The following UBN2 variants were observed in gnomAD, a reference collection of about 807,000 sequenced individuals.
UBN2 encodes the protein ubinuclein 2.
Under a neutral mutation model 120.2 loss-of-function variants are expected in UBN2, and 35 were observed. That is an observed-to-expected ratio of 0.29 (90% CI 0.22 to 0.39). The LOEUF (loss-of-function observed/expected upper bound fraction) is 0.39, where lower values mean the gene tolerates loss of function less well. Ranked by LOEUF, UBN2 falls within the 10% of genes least tolerant of loss-of-function variation. UBN2 has a pLI of 1.00. For synonymous variants in UBN2, 661 were observed against 648.7 expected, an observed-to-expected ratio of 1.02 and a Z score of -0.29; for missense variants, 1,693 against 1,663.2, an observed-to-expected ratio of 1.02 and a Z score of -0.31.
chr7:139,304,519 G>A lies in UBN2; in HGVS notation c.*6683G>A, dbSNP rs1448026900. The A allele has an allele frequency of 6.6e-6, 1 of 152,124 alleles. No individual in the cohort carries two copies. The highest frequency in any genetic ancestry group is 2.4e-5 in the African/African-American group (1 of 41,418). The allele number at this position is 152,124 out of a possible 1,614,324, so 9.4% of individuals were successfully genotyped here. On this transcript the variant is annotated 3_prime_UTR_variant, in exon 18 of 18. Coordinates refer to ENST00000473989, the MANE Select transcript of UBN2 (RefSeq NM_173569.4). Reference sequence around the variant, plus strand: ...TAGTTGGGGCTAAATGCTGAGCAACGATTGTTGGAGTGTGTGTGTAAATTT... The same window carrying A: ...TAGTTGGGGCTAAATGCTGAGCAACAATTGTTGGAGTGTGTGTGTAAATTT...
At chr7:139,240,455 T>TATATATATATA (rs367875599) in intron 2 of UBN2, among the ~76,000 whole-genome samples, 116 of 63,076 alleles carry the variant, frequency 1.8e-3, no homozygotes, top group Middle Eastern at 6.4e-3. Context: ...TATATATATA[T>TATATATATATA]TTTTTTTTTT....
intron 8 of UBN2, among the ~76,000 whole-genome samples, chr7:139,270,808 G>A (rs1309678302): frequency 3.3e-5 from 5 of 151,812 alleles, no homozygotes; most frequent in Admixed American, 2.6e-4. Flanking sequence ...GCAGTGGCAC[G>A]ATCTCGGCTC....
chr7:139,309,699 C>T (rs1227189442), downstream of UBN2, among the ~76,000 whole-genome samples: 2 of 152,228 alleles, frequency 1.3e-5, no homozygotes, highest in East Asian at 3.9e-4. Flanking sequence ...GGAGAAACCC[C>T]GTCTTCTACT....
At chr7:139,289,635 C>T (rs1046077664) in intron 15 of UBN2, among the ~76,000 whole-genome samples, 1 of 151,956 alleles carries the variant, frequency 6.6e-6, no homozygotes. Context: ...TGGTCTTGAA[C>T]CCCTGGCCTC....
At chr7:139,236,838 T>C (rs1796175502) in intron 1 of UBN2, among the ~76,000 whole-genome samples, 167 bp from the exon 2 acceptor site, 1 of 152,088 alleles carries the variant, frequency 6.6e-6, no homozygotes, top group South Asian at 2.1e-4. Context: ...AATAATATAA[T>C]TAATTATATA....
intron 2 of UBN2, among the ~76,000 whole-genome samples, chr7:139,247,430 T>G (rs891138707): frequency 6.6e-6 from 1 of 152,130 alleles, no homozygotes; most frequent in Non-Finnish European, 1.5e-5. Context: ...TGTTTTCAAC[T>G]AAAAAAATGA....
chr7:139,235,800 A>G (rs1447103196), intron 1 of UBN2, among the ~76,000 whole-genome samples: 1 of 152,234 alleles, frequency 6.6e-6, no homozygotes, highest in Non-Finnish European at 1.5e-5. Flanking sequence ...AACTCCTTTA[A>G]AGAAGTATCC....
chr7:139,309,248 G>GAT (rs1385846730), downstream of UBN2, among the ~76,000 whole-genome samples: 2 of 152,200 alleles, frequency 1.3e-5, no homozygotes, highest in Non-Finnish European at 2.9e-5. Context: ...AAAATAGAGT[G>GAT]ATGGTATGAG....
the UBN2 span, among the ~76,000 whole-genome samples, chr7:139,318,110 C>G: frequency 1.3e-5 from 2 of 152,168 alleles, no homozygotes; most frequent in African/African-American, 4.8e-5. Context: ...GAGTCCTGAT[C>G]TGTCTTGTTC....
chr7:139,250,051 T>C (rs2130956154), intron 2 of UBN2, among the ~76,000 whole-genome samples: 1 of 152,044 alleles, frequency 6.6e-6, no homozygotes, highest in Admixed American at 6.5e-5. Context: ...CCAAAAAAAA[T>C]ATCATGGGAC....
chr7:139,278,033 A>C (rs1002227872), intron 12 of UBN2, among the ~76,000 whole-genome samples: 6 of 152,178 alleles, frequency 3.9e-5, no homozygotes, highest in Non-Finnish European at 7.3e-5. Context: ...ACCACAGGCA[A>C]CTGAAACCGT....
Position 139,293,918 on chromosome 7 carries a change from G to A in UBN2, c.3931G>A (p.Ala1311Thr). Residue 1311 changes from alanine to threonine, a missense_variant, in exon 17 of 18, where the codon GCT (alanine) becomes ACT (threonine). Ala to Thr is a moderately conservative substitution (Grantham distance 58). Around this residue, in one of 5 missense-constraint regions of UBN2, gnomAD observed 837 missense variants for 817.6 expected, o/e 1.02. Coordinates refer to ENST00000473989, the MANE Select transcript of UBN2 (RefSeq NM_173569.4). ...NLLKGLQPGG[A>T]QHAATLSHSP... is the part of the protein sequence containing the mutation. Reference sequence around the variant, plus strand: ...ACTAAAGGGTTTACAGCCAGGAGGAGCTCAGCATGCAGCAACGCTTTCCCA... The same window carrying A: ...ACTAAAGGGTTTACAGCCAGGAGGAACTCAGCATGCAGCAACGCTTTCCCA... The A allele has an allele frequency of 6.2e-7, 1 of 1,614,110 alleles. No individual in the cohort carries two copies. Among genetic ancestry groups the A allele is most frequent in the Non-Finnish European group, 8.5e-7 (1 of 1,179,988 alleles).
Position 139,300,966 on chromosome 7 carries a change from C to T in UBN2, c.*3130C>T, listed in dbSNP as rs963104265. On this transcript the variant is annotated 3_prime_UTR_variant, in exon 18 of 18. Coordinates refer to ENST00000473989, the MANE Select transcript of UBN2 (RefSeq NM_173569.4). ...TTTGAGGTCAGAGGGTAAATGAAAT[C>T]GTGATTTTAAAACAGCCTGAAGAAA... 1.2e-4 allele frequency: 18 copies of T among 152,046 alleles called. No individual in the cohort carries two copies. Among genetic ancestry groups the T allele is most frequent in the African/African-American group, 4.1e-4 (17 of 41,374 alleles). 9.4% of individuals were successfully genotyped at this position (152,046 alleles called of 1,614,324 possible). A position where few individuals can be genotyped will look rare whatever the true frequency, so the allele number is the denominator to read the frequency against.
At chr7:139,295,550 T>C (rs1285511096) in intron 17 of UBN2, among the ~76,000 whole-genome samples, 5 of 152,340 alleles carry the variant, frequency 3.3e-5, no homozygotes, top group Non-Finnish European at 2.9e-5. Context: ...CAAATTTATC[T>C]GTGCAGCACT....
intron 2 of UBN2, among the ~76,000 whole-genome samples, chr7:139,251,533 T>C (rs1796624490): frequency 6.6e-6 from 1 of 152,246 alleles, no homozygotes; most frequent in Non-Finnish European, 1.5e-5. Flanking sequence ...TTGACAACTT[T>C]GAAGAAGGTG....
In UBN2 at chr7:139,304,776, C is replaced by A. The variant is rs1798330601; in HGVS notation, c.*6940C>A. 1 of 145,456 alleles carries A rather than the reference C, an allele frequency of 6.9e-6. No homozygotes were observed. Among genetic ancestry groups the A allele is most frequent in the South Asian group, 2.1e-4 (1 of 4,670 alleles). The allele number at this position is 145,456 out of a possible 1,614,324, so 9.0% of individuals were successfully genotyped here. A position where few individuals can be genotyped will look rare whatever the true frequency, so the allele number is the denominator to read the frequency against. On this transcript the variant is annotated 3_prime_UTR_variant, in exon 18 of 18. Coordinates refer to ENST00000473989, the MANE Select transcript of UBN2 (RefSeq NM_173569.4). ...CTTTTTGGATTTTTGTTGCTTTTTCCAGATAAGGCCTTAGTAGCCTCTAAA... is the reference window on the plus strand; with the variant it reads ...CTTTTTGGATTTTTGTTGCTTTTTCAAGATAAGGCCTTAGTAGCCTCTAAA...
chr7:139,323,777 T>C, the UBN2 span, among the ~76,000 whole-genome samples: 2 of 151,796 alleles, frequency 1.3e-5, no homozygotes, highest in East Asian at 3.9e-4. Flanking sequence ...TTTGGTAGAG[T>C]TGGGGTTTCA....
rs78156858 is a variant in UBN2, at chr7:139,280,174, T to C, written c.2067+814T>C. 7.5e-3 allele frequency among the ~76,000 whole-genome samples: 1,149 copies of C among 152,232 alleles called. 18 individuals are homozygous for C. Among genetic ancestry groups the C allele is most frequent in the African/African-American group, 0.027 (1,106 of 41,542 alleles). On this transcript the variant is annotated intron_variant, in intron 13 of 17. Transcript: ENST00000473989. Reference sequence around the variant, plus strand: ...AACCATGGCAGACCTGAGCTTGCAGTCTGAAATACAGAATACATGAGAGAA... The same window carrying C: ...AACCATGGCAGACCTGAGCTTGCAGCCTGAAATACAGAATACATGAGAGAA...
intron 2 of UBN2, among the ~76,000 whole-genome samples, chr7:139,238,363 A>G (rs1258575361): frequency 2.6e-5 from 4 of 152,204 alleles, no homozygotes; most frequent in Non-Finnish European, 5.9e-5. Flanking sequence ...GTCCTAGGCC[A>G]TACTTTGCCA....
Sources: allele counts gnomAD v4.1 joint callset (sites outside exome capture counted in the v4.1 genomes callset), GRCh38; gene constraint gnomAD v4.1.1; regional missense constraint gnomAD v4.1.1; transcripts MANE v1.5; gene names NCBI Gene and HGNC (gene_info 2026-07-23, HGNC 2026-07-21).